Variants in AGPAT3 observed in about 807,000 individuals in gnomAD.
AGPAT3 encodes the protein 1-acyl-sn-glycerol-3-phosphate acyltransferase gamma.
A neutral mutation model predicts 47.3 loss-of-function variants in AGPAT3; 5 were observed. That is an observed-to-expected ratio of 0.11 (90% CI 0.06 to 0.22). The LOEUF is 0.22. Among genes scored for constraint, AGPAT3 ranks in the 10% least tolerant of loss-of-function variants. The pLI is 1.00. For synonymous variants in AGPAT3, 212 were observed against 208.3 expected (o/e 1.02, Z -0.15); for missense variants, 315 against 493.0 (o/e 0.64, Z 3.42).
At chr21:43,898,643 C>T (rs2086281603) in intron 1 of AGPAT3, among the ~76,000 whole-genome samples, 1 of 152,188 alleles carries the variant, frequency 6.6e-6, no homozygotes, top group Non-Finnish European at 1.5e-5. Flanking sequence ...TCTCCTGCCT[C>T]AGCCTCCTGA....
Position 43,978,065 on chromosome 21 carries a change from A to G in AGPAT3, c.787A>G (p.Ile263Val), listed in dbSNP as rs771891429. 1.2e-6 allele frequency: 2 copies of G among 1,613,472 alleles called. No individual in the cohort carries two copies. Among genetic ancestry groups the G allele is most frequent in the African/African-American group, 1.3e-5 (1 of 74,904 alleles). ...AAACAGGAGATTTCCTCTGGAAGAC[A>G]TCCCGCTGGATGAAAAGGAAGCAGC... ...MCVRRFPLED[I>V]PLDEKEAAQW... Residue 263 changes from isoleucine to valine, a missense_variant, in exon 8 of 10, where the codon ATC (isoleucine) becomes GTC (valine). By Grantham distance (29) the Ile-to-Val change is conservative (BLOSUM62 3). Transcript: ENST00000291572.
chr21:43,918,129 GGTTGTGGGTGTTGGA>G (rs1189230323), intron 2 of AGPAT3, among the ~76,000 whole-genome samples: 3 of 145,856 alleles, frequency 2.1e-5, no homozygotes, highest in Non-Finnish European at 4.5e-5. Flanking sequence ...GTGTTGTGGG[GGTTGTGGGTGTTGGA>G]GTTGTGGGTG....
At chr21:43,906,985 C>T (rs574663707) in intron 2 of AGPAT3, among the ~76,000 whole-genome samples, 46 of 151,912 alleles carry the variant, frequency 3.0e-4, no homozygotes, top group African/African-American at 1.1e-3. Context: ...GCAAAGGAGG[C>T]CCAGGGGGCT....
At chr21:43,897,455 T>G (rs1341316964) in intron 1 of AGPAT3, among the ~76,000 whole-genome samples, 1 of 152,188 alleles carries the variant, frequency 6.6e-6, no homozygotes, top group East Asian at 1.9e-4. Context: ...TGGCCTGTTC[T>G]CGATGGTCGC....
intron 8 of AGPAT3, among the ~76,000 whole-genome samples, chr21:43,980,000 C>T (rs758186954): frequency 3.3e-5 from 5 of 152,038 alleles, no homozygotes; most frequent in Non-Finnish European, 7.4e-5. Context: ...GAGAGCGGGT[C>T]GGCCAGGTGT....
At position 43,955,241 on chromosome 21, in the gene AGPAT3, AGGT is replaced by A; in HGVS notation, c.-48-4392_-48-4390del. The A allele has an allele frequency of 8.2e-7, 1 of 1,221,570 alleles. No homozygotes were observed. Among genetic ancestry groups the A allele is most frequent in the Non-Finnish European group, 1.1e-6 (1 of 949,290 alleles). The allele number at this position is 1,221,570 out of a possible 1,614,324, so 75.7% of individuals were successfully genotyped here. A position where few individuals can be genotyped will look rare whatever the true frequency, so the allele number is the denominator to read the frequency against. Reference sequence around the variant, plus strand: ...TTCTGTGTTTGTGAACCTCTAGAAAAGGTAAATTAACCTATAGAGCTGGAAAGC... The same window carrying A: ...TTCTGTGTTTGTGAACCTCTAGAAAAAAATTAACCTATAGAGCTGGAAAGC... On this transcript the variant is annotated intron_variant, in intron 2 of 9. Coordinates refer to ENST00000291572, the MANE Select transcript of AGPAT3 (RefSeq NM_020132.5). This position sits in a 1 kb window ranked among gnomAD's most constrained non-coding sequence, Gnocchi z 4.1.
intron 2 of AGPAT3, among the ~76,000 whole-genome samples, chr21:43,919,381 T>C (rs915230003): frequency 6.6e-6 from 1 of 152,244 alleles, no homozygotes; most frequent in Non-Finnish European, 1.5e-5. Context: ...CTCCCACTTA[T>C]AAGTGAGAAC....
rs1304180554 is a variant in AGPAT3 at position 43,934,148 on chromosome 21, C to T, written c.-48-25486C>T. ...TGGAGAACAGGCAGACATGGGTGCC[C>T]GGCACGCCAGCTCCCCGAGCACCAG... On this transcript the variant is annotated intron_variant, in intron 2 of 9. Coordinates refer to ENST00000291572, the MANE Select transcript of AGPAT3 (RefSeq NM_020132.5). The surrounding 1 kb of genome is among the most constrained non-coding windows in gnomAD (Gnocchi z 4.7). Among the ~76,000 whole-genome samples, 4 of 152,320 alleles carry T rather than the reference C, an allele frequency of 2.6e-5. No individual in the cohort carries two copies. Among genetic ancestry groups the T allele is most frequent in the Admixed American group, 6.5e-5 (1 of 15,304 alleles).
Position 43,955,138 on chromosome 21 carries a change from C to T in AGPAT3, c.-48-4496C>T. ...CATGCCGTGGGGGTCACTCAGCAGC[C>T]ACGGATGCGCCCTGGGTGCTGTCCC... On this transcript the variant is annotated intron_variant, in intron 2 of 9. Coordinates refer to ENST00000291572, the MANE Select transcript of AGPAT3 (RefSeq NM_020132.5). The surrounding 1 kb of genome is among the most constrained non-coding windows in gnomAD (Gnocchi z 4.1). The T allele has an allele frequency of 7.8e-7, 1 of 1,276,908 alleles. No homozygotes were observed. The highest frequency in any genetic ancestry group is 1.0e-6 in the Non-Finnish European group (1 of 980,976). The allele number at this position is 1,276,908 out of a possible 1,614,324, so 79.1% of individuals were successfully genotyped here. A position where few individuals can be genotyped will look rare whatever the true frequency, so the allele number is the denominator to read the frequency against.
At position 43,930,654 on chromosome 21, in the gene AGPAT3, G is replaced by C. The variant is rs944834855; in HGVS notation, c.-49+26635G>C. Among the ~76,000 whole-genome samples, 149 of 152,280 alleles carry C rather than the reference G, an allele frequency of 9.8e-4. 1 individual carries two copies. The highest frequency in any genetic ancestry group is 3.4e-3 in the African/African-American group (143 of 41,558). On this transcript the variant is annotated intron_variant, in intron 2 of 9. Transcript: ENST00000291572. The surrounding 1 kb of genome is among the most constrained non-coding windows in gnomAD (Gnocchi z 5.0). ...TGGGTGGGTGTTTCTGTCGGGATGAGGGGAAGGCGGGGATGAGGTGGGGGT... is the reference window on the plus strand; with the variant it reads ...TGGGTGGGTGTTTCTGTCGGGATGACGGGAAGGCGGGGATGAGGTGGGGGT...
chr21:43,967,952 T>C lies in AGPAT3; in HGVS notation c.185T>C (p.Val62Ala). The part of the protein sequence containing the change: ...RLAYSLWSQL[V>A]MLLEWWSCTE... The stretch of plus-strand genomic sequence containing the variant: ...GCCCTCCCCCTGTCCGCAGAACTGG[T>C]CATGCTGCTGGAGTGGTGGTCCTGC... Residue 62 changes from valine (V) to alanine (A), a missense_variant, in exon 4 of 10, where the codon GTC becomes GCC. Transcript: ENST00000291572. 6.2e-7 allele frequency: 1 copy of C among 1,613,882 alleles called. No individual in the cohort carries two copies. Among genetic ancestry groups the C allele is most frequent in the Non-Finnish European group, 8.5e-7 (1 of 1,179,932 alleles).
At chr21:43,925,594 A>C (rs1324768447) in intron 2 of AGPAT3, 1 of 152,536 alleles carries the variant, frequency 6.6e-6, no homozygotes, top group Non-Finnish European at 1.5e-5. Context: ...GCTGTCTCCA[A>C]GTCTGTGCCC....
At chr21:43,876,470 A>G (rs913071620) in intron 1 of AGPAT3, among the ~76,000 whole-genome samples, 4 of 152,204 alleles carry the variant, frequency 2.6e-5, no homozygotes, top group Admixed American at 2.0e-4. Flanking sequence ...CCCTGCTCCT[A>G]CCAGGAGTCC....
chr21:43,872,351 T>C (rs2085640658), intron 1 of AGPAT3, among the ~76,000 whole-genome samples: 1 of 152,138 alleles, frequency 6.6e-6, no homozygotes, highest in African/African-American at 2.4e-5. Context: ...TAGCTAATTT[T>C]TGTATTTTTA....
At chr21:43,924,778 C>T (rs2086999672) in intron 2 of AGPAT3, among the ~76,000 whole-genome samples, 1 of 152,226 alleles carries the variant, frequency 6.6e-6, no homozygotes, top group African/African-American at 2.4e-5. Context: ...CTGAGCCCCA[C>T]CCTGCCGCAA....
intron 2 of AGPAT3, among the ~76,000 whole-genome samples, chr21:43,958,007 C>A (rs2088576349): frequency 1.3e-5 from 2 of 152,330 alleles, no homozygotes; most frequent in Non-Finnish European, 2.9e-5. Context: ...TTTCACGCTT[C>A]AAATACGCAC....
At chr21:43,974,576 T>C (rs1440938896) in intron 7 of AGPAT3, among the ~76,000 whole-genome samples, 2 of 151,114 alleles carry the variant, frequency 1.3e-5, no homozygotes, top group African/African-American at 2.4e-5. Context: ...AGTGTGTGTA[T>C]ATAAATCGTG....
At position 43,954,050 on chromosome 21, in the gene AGPAT3, A is replaced by G. The variant is rs144944130; in HGVS notation, c.-48-5584A>G. ...ATAAAAATGTAGACGTCAACTTCACATTGTCTGGGGATGCATAATTTCCTA... is the reference window on the plus strand; with the variant it reads ...ATAAAAATGTAGACGTCAACTTCACGTTGTCTGGGGATGCATAATTTCCTA... On this transcript the variant is annotated intron_variant, in intron 2 of 9. Coordinates refer to ENST00000291572, the MANE Select transcript of AGPAT3 (RefSeq NM_020132.5). The surrounding 1 kb of genome is among the most constrained non-coding windows in gnomAD (Gnocchi z 4.0). 3.7e-3 allele frequency among the ~76,000 whole-genome samples: 563 copies of G among 152,368 alleles called. 4 individuals are homozygous for G. The highest frequency in any genetic ancestry group is 0.012 in the African/African-American group (512 of 41,594).
rs999621769 is a variant in AGPAT3 at position 43,939,768 on chromosome 21, CTG to C, written c.-48-19863_-48-19862del. 1.1e-4 allele frequency among the ~76,000 whole-genome samples: 16 copies of C among 152,314 alleles called. No individual in the cohort carries two copies. The highest frequency in any genetic ancestry group is 3.3e-4 in the Admixed American group (5 of 15,298). On this transcript the variant is annotated intron_variant, in intron 2 of 9. Coordinates refer to ENST00000291572, the MANE Select transcript of AGPAT3 (RefSeq NM_020132.5). This position sits in a 1 kb window ranked among gnomAD's most constrained non-coding sequence, Gnocchi z 4.4. ...AACCTGGCCCCTTGACACACTGGTG[CTG>C]TGAGGAGGAAGATGTGGGCACTCTT... is the stretch of plus-strand genomic sequence containing the variant.
Sources: allele counts gnomAD v4.1 joint callset (sites outside exome capture counted in the v4.1 genomes callset), GRCh38; gene constraint gnomAD v4.1.1; non-coding constraint Gnocchi (gnomAD v3.1); transcripts MANE v1.5; gene names NCBI Gene and HGNC (gene_info 2026-07-23, HGNC 2026-07-21).